The following ANK2 variants were observed in gnomAD, a reference collection of about 807,000 sequenced individuals.
The protein encoded by ANK2 is ankyrin 2.
A neutral mutation model predicts 360.5 loss-of-function variants in ANK2; 83 were observed. That is an observed-to-expected ratio of 0.23 (90% CI 0.19 to 0.28). ANK2 has a LOEUF of 0.28. Among genes scored for constraint, ANK2 ranks in the 10% least tolerant of loss-of-function variants. The pLI, the probability that ANK2 is intolerant of heterozygous loss-of-function variation, is 1.00. For missense variants in ANK2, 4,201 were observed against 4,795.7 expected (o/e 0.88, Z 3.66); for synonymous variants, 1,740 against 1,759.5 (o/e 0.99, Z 0.28).
At chr4:113,244,692 C>T (rs1311279332) in intron 9 of ANK2, among the ~76,000 whole-genome samples, 3 of 152,100 alleles carry the variant, frequency 2.0e-5, no homozygotes, top group South Asian at 4.1e-4. Flanking sequence ...CAGGTATTCA[C>T]GTGCCATGGT....
chr4:112,735,466 C>G, the ANK2 span, among the ~76,000 whole-genome samples: 1 of 152,216 alleles, frequency 6.6e-6, no homozygotes, highest in African/African-American at 2.4e-5. Context: ...ATTGCAGCCT[C>G]TTCCACCTCC....
intron 2 of ANK2, among the ~76,000 whole-genome samples, chr4:113,014,639 C>CT (rs35418045): frequency 1.2e-3 from 175 of 151,320 alleles, no homozygotes; most frequent in African/African-American, 2.8e-3. Flanking sequence ...GGCCCAGAAT[C>CT]TTTTTTTTTG....
At chr4:113,275,081 T>C (rs2059750273) in intron 15 of ANK2, among the ~76,000 whole-genome samples, 1 of 152,222 alleles carries the variant, frequency 6.6e-6, no homozygotes, top group South Asian at 2.1e-4. Context: ...AATTTACTTG[T>C]ACATTTTCGC....
intron 2 of ANK2, among the ~76,000 whole-genome samples, chr4:113,195,510 A>G (rs1056805982): frequency 2.6e-5 from 4 of 152,170 alleles, no homozygotes; most frequent in East Asian, 1.9e-4. Flanking sequence ...ACTTGGGTCT[A>G]TATGATATGT....
At chr4:113,236,043 C>G (rs906235091) in intron 5 of ANK2, among the ~76,000 whole-genome samples, 5 of 152,106 alleles carry the variant, frequency 3.3e-5, no homozygotes, top group Admixed American at 3.3e-4. Context: ...TGGCCCCAGT[C>G]TTTCAATTTA....
At chr4:112,747,748 G>C in the ANK2 span, among the ~76,000 whole-genome samples, 4 of 152,140 alleles carry the variant, frequency 2.6e-5, no homozygotes, top group African/African-American at 7.2e-5. Context: ...AGGGTGACAG[G>C]ACAGGAGTAA....
In ANK2 at chr4:113,353,029, T is replaced by G; in HGVS notation, c.4427-16T>G. 1 of 1,611,494 alleles carries G rather than the reference T, an allele frequency of 6.2e-7. No homozygotes were observed. Among genetic ancestry groups the G allele is most frequent in the Non-Finnish European group, 8.5e-7 (1 of 1,178,410 alleles). ...GATTTCCATTTTACTTTCAATGTTT[T>G]TCATTCACATCAAAGATGATGAGAC... On this transcript the variant is annotated splice_polypyrimidine_tract_variant and intron_variant, in intron 37 of 45. Transcript: ENST00000357077.
chr4:113,354,296 T>C lies in ANK2; in HGVS notation c.5678T>C (p.Val1893Ala). 7 of 1,614,094 alleles carry C rather than the reference T, an allele frequency of 4.3e-6. No homozygotes were observed. Among genetic ancestry groups the C allele is most frequent in the Non-Finnish European group, 5.9e-6 (7 of 1,179,996 alleles). ...ACAAAAACTGAAAGGCACTCTCCTGTGTCATCTACAAAAACAGAAAGACAC... is the reference window on the plus strand; with the variant it reads ...ACAAAAACTGAAAGGCACTCTCCTGCGTCATCTACAAAAACAGAAAGACAC... Reference protein sequence around the residue: ...PSTKTERHSPVSSTKTERHPP... With the variant: ...PSTKTERHSPASSTKTERHPP... The change falls in exon 38 of 46, where the codon GTG becomes GCG. Residue 1893 changes from valine to alanine, a missense_variant. By Grantham distance (64) the Val-to-Ala change is moderately conservative. Coordinates refer to ENST00000357077, the MANE Select transcript of ANK2 (RefSeq NM_001148.6).
chr4:112,792,825 T>A, the ANK2 span, among the ~76,000 whole-genome samples: 1 of 152,114 alleles, frequency 6.6e-6, no homozygotes, highest in Admixed American at 6.5e-5. Context: ...GATAGAAAAA[T>A]TTTGCCCTAT....
At chr4:112,889,805 T>C (rs1044296905) in intron 1 of ANK2, among the ~76,000 whole-genome samples, 1 of 152,202 alleles carries the variant, frequency 6.6e-6, no homozygotes, top group Non-Finnish European at 1.5e-5. Flanking sequence ...GTTATGTAAT[T>C]GGCATGAATT....
At chr4:113,130,581 C>T (rs546051263) in intron 1 of ANK2, among the ~76,000 whole-genome samples, 1 of 152,238 alleles carries the variant, frequency 6.6e-6, no homozygotes, top group South Asian at 2.1e-4. Context: ...CCTGGGAGAA[C>T]TTTAGGTATT....
At chr4:112,870,417 G>A (rs1171750011) in intron 1 of ANK2, among the ~76,000 whole-genome samples, 6 of 152,196 alleles carry the variant, frequency 3.9e-5, no homozygotes, top group Non-Finnish European at 2.9e-5. Context: ...TTTTGTTTAA[G>A]AGTTTTATAG....
chr4:112,912,386 G>A (rs961884391), intron 2 of ANK2, among the ~76,000 whole-genome samples: 1 of 152,014 alleles, frequency 6.6e-6, no homozygotes, highest in South Asian at 2.1e-4. Context: ...TATTACTTTA[G>A]AAGCCATTTA....
At chr4:112,864,602 G>C (rs1416355201) in intron 1 of ANK2, among the ~76,000 whole-genome samples, 2 of 151,920 alleles carry the variant, frequency 1.3e-5, no homozygotes, top group Non-Finnish European at 2.9e-5. Flanking sequence ...CAGCCCCGGC[G>C]CCCGGCCGGT....
At chr4:112,950,961 A>C (rs996146864) in intron 2 of ANK2, among the ~76,000 whole-genome samples, 6 of 149,906 alleles carry the variant, frequency 4.0e-5, no homozygotes, top group African/African-American at 1.5e-4. Context: ...GGGCGCCTGT[A>C]GTCCCAGCTA....
chr4:113,182,608 G>A (rs1188454553), intron 2 of ANK2, among the ~76,000 whole-genome samples: 1 of 152,156 alleles, frequency 6.6e-6, no homozygotes, highest in Non-Finnish European at 1.5e-5. Context: ...TTTCTTAGAA[G>A]CCAAGTGAAA....
intron 2 of ANK2, among the ~76,000 whole-genome samples, chr4:112,934,263 T>C (rs1429317228): frequency 6.6e-6 from 1 of 152,132 alleles, no homozygotes; most frequent in Non-Finnish European, 1.5e-5. Context: ...GTAATTGAAG[T>C]TTTCCGAGGA....
chr4:112,981,747 C>T (rs929500574), intron 2 of ANK2, among the ~76,000 whole-genome samples: 3 of 152,068 alleles, frequency 2.0e-5, no homozygotes, highest in Non-Finnish European at 4.4e-5. Flanking sequence ...TAAAAAGATG[C>T]TGCAATATTT....
At chr4:113,155,634 C>T (rs552446262) in intron 1 of ANK2, among the ~76,000 whole-genome samples, 91 of 152,112 alleles carry the variant, frequency 6.0e-4, no homozygotes, top group African/African-American at 2.0e-3. Flanking sequence ...AGAAATATTT[C>T]ATTGACTTCA....
Sources: allele counts gnomAD v4.1 joint callset (sites outside exome capture counted in the v4.1 genomes callset), GRCh38; gene constraint gnomAD v4.1.1; transcripts MANE v1.5; gene names NCBI Gene and HGNC (gene_info 2026-07-23, HGNC 2026-07-21).